MED14: variants seen among roughly 807,000 people sequenced by gnomAD.
The protein encoded by MED14 is mediator complex subunit 14.
A neutral mutation model predicts 109.0 loss-of-function variants in MED14; 8 were observed. The ratio of observed to expected loss-of-function variants is 0.07; its 90% CI spans 0.04 to 0.13. The LOEUF (loss-of-function observed/expected upper bound fraction) is 0.13. Ranked by LOEUF, MED14 falls within the 10% of genes least tolerant of loss-of-function variation. The pLI, the probability that MED14 is intolerant of heterozygous loss-of-function variation, is 1.00. For synonymous variants in MED14, 399 were observed against 408.7 expected (o/e 0.98, Z 0.29); for missense variants, 711 against 1,142.4 (o/e 0.62, Z 5.44).
intron 23 of MED14, among the ~76,000 whole-genome samples, chrX:40,670,884 C>T (rs974201864): frequency 2.7e-5 from 3 of 111,987 alleles, no homozygotes; most frequent in Non-Finnish European, 5.6e-5. Context: ...AAAAAATTAA[C>T]GTAGTTTTGT....
intron 1 of MED14, among the ~76,000 whole-genome samples, chrX:40,734,384 T>C (rs954827781): frequency 3.6e-5 from 4 of 112,581 alleles, no homozygotes; most frequent in African/African-American, 1.3e-4. Context: ...AACAAATTAC[T>C]GTGACGCTTT....
At position 40,651,659 on chromosome X, in the gene MED14, G is replaced by C; in HGVS notation, c.*147C>G. 1 of 1,053,585 alleles carries C rather than the reference G, an allele frequency of 9.5e-7. No individual in the cohort carries two copies. The highest frequency in any genetic ancestry group is 1.2e-6 in the Non-Finnish European group (1 of 820,209). 86.8% of individuals were successfully genotyped at this position (1,053,585 alleles called of 1,213,427 possible). On this transcript the variant is annotated 3_prime_UTR_variant, in exon 31 of 31. Transcript: ENST00000324817. ...ATGGATGATCATTTTGATGAAAGAA[G>C]TGCACCCTGAAAATTTTTGCCAGTT... is the stretch of plus-strand genomic sequence containing the variant.
At chrX:40,703,347 C>G in intron 11 of MED14, 97 bp downstream of exon 11, 1 of 771,270 alleles carries the variant, frequency 1.3e-6, no homozygotes, top group Non-Finnish European at 1.9e-6. Flanking sequence ...ACTGCATATA[C>G]CATTCTTTCT....
rs1471971449 is a variant in MED14, at chrX:40,650,450, T to C, written c.*1356A>G. ...AGTGGAATTAGACAAAGCATCTACA[T>C]TTTAATGGAGAACCAGTATTACAGT... On this transcript the variant is annotated 3_prime_UTR_variant, in exon 31 of 31. Coordinates refer to ENST00000324817, the MANE Select transcript of MED14 (RefSeq NM_004229.4). The C allele has an allele frequency of 1.3e-6, 1 of 752,859 alleles. No homozygotes were observed. Among genetic ancestry groups the C allele is most frequent in the Non-Finnish European group, 1.6e-6 (1 of 639,022 alleles). The allele number at this position is 752,859 out of a possible 1,213,427, so 62.0% of individuals were successfully genotyped here.
intron 13 of MED14, among the ~76,000 whole-genome samples, chrX:40,694,189 G>GC (rs1162810506): frequency 1.8e-5 from 2 of 111,381 alleles, no homozygotes; most frequent in African/African-American, 6.5e-5. Context: ...ATGAGCCACC[G>GC]CAACTGGCCT....
intron 12 of MED14, among the ~76,000 whole-genome samples, chrX:40,697,425 T>C (rs760148127): frequency 1.9e-4 from 21 of 112,350 alleles, no homozygotes; most frequent in African/African-American, 6.1e-4. Context: ...TAAGGTAGAA[T>C]TCACTGTAAG....
intron 8 of MED14, 24 bp downstream of exon 8, chrX:40,711,145 C>T: frequency 1.7e-6 from 2 of 1,200,128 alleles, no homozygotes; most frequent in Non-Finnish European, 1.1e-6. Context: ...ATAGCACGAA[C>T]CCACCAGAAC....
intron 28 of MED14, 79 bp downstream of exon 28, chrX:40,659,147 GA>G: frequency 3.4e-6 from 2 of 593,458 alleles, no homozygotes; most frequent in Non-Finnish European, 4.9e-6. Flanking sequence ...ATAGATGGGT[GA>G]AAACCAATAA....
chrX:40,682,532 C>A, intron 18 of MED14, 71 bp downstream of exon 18: 2 of 897,896 alleles, frequency 2.2e-6, no homozygotes, highest in Non-Finnish European at 3.0e-6. Flanking sequence ...GCATGTTTCA[C>A]TTCAGTTAAA....
intron 10 of MED14, among the ~76,000 whole-genome samples, chrX:40,707,234 TA>T (rs1250918671): frequency 8.9e-6 from 1 of 111,932 alleles, no homozygotes; most frequent in African/African-American, 3.2e-5. Context: ...ACAAGACAAT[TA>T]AACAGGAGAA....
At chrX:40,663,450 A>C (rs972538748) in intron 25 of MED14, among the ~76,000 whole-genome samples, 2 of 111,928 alleles carry the variant, frequency 1.8e-5, no homozygotes, top group Non-Finnish European at 3.8e-5. Flanking sequence ...TCTGACCAAC[A>C]GAATGTGGTG....
chrX:40,735,417 G>T lies in MED14; in HGVS notation c.-5C>A, dbSNP rs1932227960. ...CTCCAGCTGCACTGGGGCCATGGCG[G>T]CGCAGGACCGGGCTTGGCGCAACGG... On this transcript the variant is annotated 5_prime_UTR_variant, in exon 1 of 31. Transcript: ENST00000324817. 3 of 1,113,087 alleles carry T rather than the reference G, an allele frequency of 2.7e-6. No homozygotes were observed. Among genetic ancestry groups the T allele is most frequent in the Non-Finnish European group, 3.5e-6 (3 of 848,152 alleles). The allele number at this position is 1,113,087 out of a possible 1,213,427, so 91.7% of individuals were successfully genotyped here.
rs62586858 is a variant in MED14, at chrX:40,668,293, G to C, written c.3134-1442C>G. ...AGCTACTCAGGAGGCTGAGGCAGGAGAATCACTTGAACCCAGAAGGCGGAG... is the reference window on the plus strand; with the variant it reads ...AGCTACTCAGGAGGCTGAGGCAGGACAATCACTTGAACCCAGAAGGCGGAG... On this transcript the variant is annotated intron_variant, in intron 23 of 30. Transcript: ENST00000324817. Among the ~76,000 whole-genome samples the C allele has an allele frequency of 4.0e-3, 391 of 97,671 alleles. 4 individuals carry two copies. The highest frequency in any genetic ancestry group is 5.7e-3 in the Non-Finnish European group (286 of 50,418). 84.8% of individuals were successfully genotyped at this position (97,671 alleles called of 115,157 possible).
Position 40,671,924 on chromosome X carries a change from G to T in MED14, c.3070C>A (p.Pro1024Thr), listed in dbSNP as rs1219058007. Residue 1024 changes from proline (P) to threonine (T), a missense_variant, in exon 23 of 31, where the codon CCC becomes ACC. By Grantham distance (38) the Pro-to-Thr change is conservative. Coordinates refer to ENST00000324817, the MANE Select transcript of MED14 (RefSeq NM_004229.4). ...GTSGAYPLTSPPTSYHSTVNQ... is the reference protein window; with the variant it reads ...GTSGAYPLTSTPTSYHSTVNQ... ...ACTGTGCTATGATAAGATGTAGGGGGTGAAGTAAGAGGATAAGCACCTGAT... is the reference window on the plus strand; with the variant it reads ...ACTGTGCTATGATAAGATGTAGGGGTTGAAGTAAGAGGATAAGCACCTGAT... 16 of 1,206,965 alleles carry T rather than the reference G, an allele frequency of 1.3e-5. No homozygotes were observed. Among genetic ancestry groups the T allele is most frequent in the Non-Finnish European group, 1.6e-5 (14 of 892,508 alleles).
intron 1 of MED14, among the ~76,000 whole-genome samples, chrX:40,730,910 CG>C (rs1015683499): frequency 4.3e-4 from 20 of 46,603 alleles, no homozygotes; most frequent in African/African-American, 1.8e-3. Flanking sequence ...GGCTTGGTGG[CG>C]GGGGGGTGGG....
intron 5 of MED14, among the ~76,000 whole-genome samples, chrX:40,713,471 C>A (rs1035936341): frequency 1.8e-5 from 2 of 112,439 alleles, no homozygotes; most frequent in African/African-American, 6.5e-5. Context: ...TTCTAACATG[C>A]AAATTCTGTC....
chrX:40,714,816 C>T, intron 3 of MED14, 106 bp from the exon 4 acceptor site: 1 of 720,593 alleles, frequency 1.4e-6, no homozygotes. Context: ...GAATTAGTAT[C>T]AGTTTTCCAT....
intron 12 of MED14, among the ~76,000 whole-genome samples, chrX:40,697,547 A>G (rs1930764664): frequency 8.9e-6 from 1 of 112,041 alleles, no homozygotes; most frequent in African/African-American, 3.2e-5. Context: ...TAAATTGTGT[A>G]TGTGTGAAGT....
chrX:40,682,642 A>T lies in MED14; in HGVS notation c.2326T>A (p.Leu776Ile). Residue 776 changes from leucine to isoleucine, a missense_variant, in exon 18 of 31, where the codon TTA (leucine) becomes ATA (isoleucine). By Grantham distance (5) the Leu-to-Ile change is conservative. Coordinates refer to ENST00000324817, the MANE Select transcript of MED14 (RefSeq NM_004229.4). Reference sequence around the variant, plus strand: ...GCAAATTCCAACACACACTCATATAATCGTGCAATGCTATTCCAGTCATTA... The same window carrying T: ...GCAAATTCCAACACACACTCATATATTCGTGCAATGCTATTCCAGTCATTA... ...FLNDWNSIAR[L>I]YECVLEFARS... The T allele has an allele frequency of 8.4e-7, 1 of 1,193,784 alleles. No individual in the cohort carries two copies. Among genetic ancestry groups the T allele is most frequent in the African/African-American group, 1.8e-5 (1 of 56,713 alleles).
Sources: allele counts gnomAD v4.1 joint callset (sites outside exome capture counted in the v4.1 genomes callset), GRCh38; gene constraint gnomAD v4.1.1; transcripts MANE v1.5; gene names NCBI Gene and HGNC (gene_info 2026-07-23, HGNC 2026-07-21).